Variants in SH3RF3 observed in about 807,000 individuals in gnomAD.
SH3RF3 encodes SH3 domain containing ring finger 3.
In SH3RF3, 29 loss-of-function variants were observed where a neutral mutation model predicts 66.3. That is an observed-to-expected ratio of 0.44 (90% CI 0.33 to 0.60). The LOEUF (loss-of-function observed/expected upper bound fraction) is 0.60. Ranked by LOEUF, SH3RF3 falls within the 20% of genes least tolerant of loss-of-function variation. The pLI is 0.04. For missense variants in SH3RF3, 1,194 were observed against 1,190.9 expected, an observed-to-expected ratio of 1.00 and a Z score of -0.04; for synonymous variants, 583 against 532.0, an observed-to-expected ratio of 1.10 and a Z score of -1.32.
chr2:109,219,693 C>T (rs1255918908), intron 1 of SH3RF3, among the ~76,000 whole-genome samples: 1 of 152,186 alleles, frequency 6.6e-6, no homozygotes, highest in Non-Finnish European at 1.5e-5. Flanking sequence ...AATTTGCAAT[C>T]TCATCAAAAA....
chr2:109,431,820 A>G (rs1677223555), intron 5 of SH3RF3, among the ~76,000 whole-genome samples: 1 of 152,082 alleles, frequency 6.6e-6, no homozygotes, highest in African/African-American at 2.4e-5. Flanking sequence ...GCAGTGAGCT[A>G]TGCTTGTACC....
At position 109,501,532 on chromosome 2, in the gene SH3RF3, A is replaced by G; in HGVS notation, c.2510A>G (p.Gln837Arg). ...RYRVVVSYPP[Q>R]SEAEIELKEG... ...CGCGTGGTGGTCTCGTACCCACCCC[A>G]GAGTGAGGCGGAGATCGAGCTGAAG... is the stretch of plus-strand genomic sequence containing the variant. Residue 837 changes from glutamine (Q) to arginine (R), a missense_variant, in exon 10 of 10, where the codon CAG (glutamine) becomes CGG (arginine). By Grantham distance (43) the Gln-to-Arg change is conservative. Transcript: ENST00000309415. The G allele has an allele frequency of 2.6e-6, 2 of 779,414 alleles. No homozygotes were observed. The highest frequency in any genetic ancestry group is 4.8e-6 in the Non-Finnish European group (2 of 417,462). 48.3% of individuals were successfully genotyped at this position (779,414 alleles called of 1,614,324 possible). A position where few individuals can be genotyped will look rare whatever the true frequency, so the allele number is the denominator to read the frequency against.
intron 1 of SH3RF3, among the ~76,000 whole-genome samples, chr2:109,252,092 C>G (rs566971184): frequency 1.6e-5 from 1 of 61,888 alleles, no homozygotes; most frequent in Non-Finnish European, 2.7e-5. Flanking sequence ...ACAAAAAATA[C>G]AAATAGCTGA....
At chr2:109,133,938 A>T (rs1015165723) in intron 1 of SH3RF3, among the ~76,000 whole-genome samples, 8 of 152,100 alleles carry the variant, frequency 5.3e-5, no homozygotes, top group Non-Finnish European at 1.5e-5. Flanking sequence ...TGGCTGTGTT[A>T]CAGAGGACGT....
chr2:109,142,435 G>A (rs1393265728), intron 1 of SH3RF3, among the ~76,000 whole-genome samples: 3 of 152,150 alleles, frequency 2.0e-5, no homozygotes, highest in Non-Finnish European at 4.4e-5. Context: ...TATGTGTCCC[G>A]TGACTTCTTC....
At chr2:109,230,462 C>G (rs962561825) in intron 1 of SH3RF3, among the ~76,000 whole-genome samples, 3 of 152,088 alleles carry the variant, frequency 2.0e-5, no homozygotes, top group African/African-American at 7.2e-5. Flanking sequence ...TGCCTGTTAT[C>G]CCAGTTACTC....
At chr2:109,279,449 CACCT>C (rs781124638) in intron 1 of SH3RF3, among the ~76,000 whole-genome samples, 2 of 152,164 alleles carry the variant, frequency 1.3e-5, no homozygotes, top group African/African-American at 4.8e-5. Context: ...GGTCTTCCTC[CACCT>C]CACTTTAATG....
intron 7 of SH3RF3, among the ~76,000 whole-genome samples, chr2:109,446,254 A>G (rs892369678): frequency 3.9e-5 from 6 of 152,112 alleles, no homozygotes; most frequent in Non-Finnish European, 8.8e-5. Flanking sequence ...GTGAAATCGG[A>G]AGTGACATGG....
intron 1 of SH3RF3, among the ~76,000 whole-genome samples, chr2:109,287,374 A>G (rs867916585): frequency 1.1e-4 from 17 of 152,152 alleles, no homozygotes; most frequent in South Asian, 2.1e-4. Context: ...AACCACAGCT[A>G]TAAATAAATT....
intron 1 of SH3RF3, among the ~76,000 whole-genome samples, chr2:109,318,559 G>A (rs1237796352): frequency 6.6e-6 from 1 of 152,238 alleles, no homozygotes; most frequent in Admixed American, 6.5e-5. Context: ...CCTTGCGGGT[G>A]TGTTGGTTCA....
At chr2:109,493,192 A>G (rs1389844904) in intron 9 of SH3RF3, among the ~76,000 whole-genome samples, 4 of 151,574 alleles carry the variant, frequency 2.6e-5, no homozygotes, top group African/African-American at 9.7e-5. Flanking sequence ...CACACACACC[A>G]CACATATATC....
At chr2:109,379,931 A>G (rs1443825339) in intron 3 of SH3RF3, among the ~76,000 whole-genome samples, 1 of 152,198 alleles carries the variant, frequency 6.6e-6, no homozygotes, top group African/African-American at 2.4e-5. Flanking sequence ...TCTTAGACCT[A>G]TCAGGGAGAA....
At chr2:109,213,228 G>A (rs957529355) in intron 1 of SH3RF3, among the ~76,000 whole-genome samples, 3 of 152,164 alleles carry the variant, frequency 2.0e-5, no homozygotes, top group African/African-American at 4.8e-5. Flanking sequence ...TCCCAGGGCT[G>A]CTTCTGAGCT....
chr2:109,235,697 T>A (rs140951340), intron 1 of SH3RF3, among the ~76,000 whole-genome samples: 20 of 152,296 alleles, frequency 1.3e-4, no homozygotes, highest in Middle Eastern at 3.4e-3. Context: ...ACATAAAGAT[T>A]GAAGGTGTGC....
chr2:109,487,427 G>C (rs772854226), intron 8 of SH3RF3, among the ~76,000 whole-genome samples: 4 of 152,220 alleles, frequency 2.6e-5, no homozygotes, highest in Non-Finnish European at 5.9e-5. Flanking sequence ...CACAGCGATT[G>C]GTAATAACTG....
intron 1 of SH3RF3, among the ~76,000 whole-genome samples, chr2:109,195,202 A>G (rs1331875882): frequency 7.3e-5 from 5 of 68,480 alleles, no homozygotes; most frequent in Non-Finnish European, 1.2e-4. Context: ...TGGGGCTAGG[A>G]GAGTGATAGG....
At chr2:109,296,637 G>T (rs1681315868) in intron 1 of SH3RF3, among the ~76,000 whole-genome samples, 1 of 152,150 alleles carries the variant, frequency 6.6e-6, no homozygotes. Flanking sequence ...AATGAGCTGG[G>T]CCCTGCACCA....
chr2:109,361,438 C>G (rs762779359), intron 2 of SH3RF3, among the ~76,000 whole-genome samples: 5 of 152,028 alleles, frequency 3.3e-5, no homozygotes, highest in Non-Finnish European at 5.9e-5. Flanking sequence ...CCTATCTGGT[C>G]CTGGTTCTTT....
intron 2 of SH3RF3, among the ~76,000 whole-genome samples, chr2:109,357,673 T>G (rs144842896): frequency 1.3e-5 from 2 of 152,348 alleles, no homozygotes; most frequent in East Asian, 3.9e-4. Context: ...GTTTTATATT[T>G]GTGAGCTATA....
Sources: gnomAD v4.1 joint callset for allele counts (sites outside exome capture counted in the v4.1 genomes callset) on GRCh38, gnomAD v4.1.1 for gene constraint, MANE v1.5 for transcripts, NCBI Gene and HGNC (gene_info 2026-07-23, HGNC 2026-07-21) for gene names.